The following CSMD1 variants were observed in gnomAD, a reference collection of about 807,000 sequenced individuals.
CSMD1 encodes the protein CUB and Sushi multiple domains 1.
CSMD1 carries 213 observed loss-of-function variants against 417.5 expected under a neutral mutation model. The observed-to-expected ratio is 0.51, with a 90% CI of 0.46 to 0.57. The LOEUF is 0.57. Ranked by LOEUF, CSMD1 falls within the 20% of genes least tolerant of loss-of-function variation. The pLI is 0.00. For synonymous variants in CSMD1, 2,862 were observed against 1,736.8 expected, an observed-to-expected ratio of 1.65 and a Z score of -16.11; for missense variants, 6,923 against 4,529.7, an observed-to-expected ratio of 1.53 and a Z score of -15.17.
intron 1 of CSMD1, among the ~76,000 whole-genome samples, chr8:4,855,714 A>G (rs1801760020): frequency 6.6e-6 from 1 of 152,046 alleles, no homozygotes; most frequent in Admixed American, 6.6e-5. Flanking sequence ...AGTCTAGAGA[A>G]AAAAGAATAA....
chr8:4,704,793 A>C (rs1807812963), intron 1 of CSMD1, among the ~76,000 whole-genome samples: 1 of 152,164 alleles, frequency 6.6e-6, no homozygotes, highest in African/African-American at 2.4e-5. Flanking sequence ...CAGTTGTCCT[A>C]ACCAGCCTGA....
chr8:3,136,366 G>C (rs934185274), intron 41 of CSMD1, among the ~76,000 whole-genome samples: 1 of 151,018 alleles, frequency 6.6e-6, no homozygotes, highest in Non-Finnish European at 1.5e-5. Context: ...CCAGGTTCAA[G>C]CGATTCTCCT....
chr8:3,908,372 T>C (rs1808246168), intron 5 of CSMD1, among the ~76,000 whole-genome samples: 1 of 152,230 alleles, frequency 6.6e-6, no homozygotes, highest in Non-Finnish European at 1.5e-5. Context: ...TATGGATACA[T>C]TTTCCCAATG....
chr8:3,943,376 G>A (rs1348902174), intron 5 of CSMD1, among the ~76,000 whole-genome samples: 6 of 144,238 alleles, frequency 4.2e-5, no homozygotes, highest in Admixed American at 1.4e-4. Context: ...AAAAAAGTCA[G>A]ATAGCTAAGT....
At chr8:3,413,040 T>C (rs1055637867) in intron 12 of CSMD1, among the ~76,000 whole-genome samples, 2 of 152,214 alleles carry the variant, frequency 1.3e-5, no homozygotes, top group Admixed American at 6.5e-5. Flanking sequence ...GTGATCAATT[T>C]AGTCTCATCA....
chr8:3,652,768 G>A (rs1288294428), intron 7 of CSMD1, among the ~76,000 whole-genome samples: 1 of 152,112 alleles, frequency 6.6e-6, no homozygotes, highest in East Asian at 1.9e-4. Flanking sequence ...GTGAGATTTG[G>A]CTGGGAAAAC....
intron 5 of CSMD1, among the ~76,000 whole-genome samples, chr8:3,823,008 A>G (rs989843863): frequency 7.9e-5 from 12 of 152,132 alleles, no homozygotes; most frequent in Non-Finnish European, 1.6e-4. Context: ...ACGAAGGCTG[A>G]GTCAGCTGAA....
At chr8:3,479,926 G>C (rs1047886867) in intron 11 of CSMD1, among the ~76,000 whole-genome samples, 3 of 152,078 alleles carry the variant, frequency 2.0e-5, no homozygotes, top group African/African-American at 7.2e-5. Context: ...GGAAATTATG[G>C]AACTAAAAAT....
At chr8:3,750,598 G>A (rs534558912) in intron 6 of CSMD1, among the ~76,000 whole-genome samples, 5 of 151,984 alleles carry the variant, frequency 3.3e-5, no homozygotes, top group Non-Finnish European at 5.9e-5. Flanking sequence ...TACAATTTGG[G>A]CTTCATGCTT....
At chr8:4,625,822 C>G (rs1440270914) in intron 2 of CSMD1, among the ~76,000 whole-genome samples, 2 of 152,072 alleles carry the variant, frequency 1.3e-5, no homozygotes, top group Non-Finnish European at 2.9e-5. Context: ...CTCCCAAGTT[C>G]AAGCTATTCT....
intron 69 of CSMD1, among the ~76,000 whole-genome samples, chr8:2,941,429 T>C (rs1801866477): frequency 6.6e-6 from 1 of 152,258 alleles, no homozygotes; most frequent in African/African-American, 2.4e-5. Flanking sequence ...TAATTTTATT[T>C]CAGGGGATCA....
At chr8:4,133,658 T>A (rs1714750) in intron 3 of CSMD1, among the ~76,000 whole-genome samples, 5 of 152,162 alleles carry the variant, frequency 3.3e-5, no homozygotes, top group Non-Finnish European at 7.3e-5. Context: ...AATCTCCATG[T>A]AAGTGTAGGG....
intron 10 of CSMD1, among the ~76,000 whole-genome samples, chr8:3,565,759 T>C (rs1799678542): frequency 6.6e-6 from 1 of 152,318 alleles, no homozygotes; most frequent in East Asian, 1.9e-4. Flanking sequence ...AAACGTGTAG[T>C]GTAAAAACAC....
chr8:4,033,995 G>C (rs905590502), intron 3 of CSMD1, among the ~76,000 whole-genome samples: 1 of 152,170 alleles, frequency 6.6e-6, no homozygotes. Context: ...TACTAGTAGA[G>C]AAATACAAAC....
At chr8:4,251,777 A>T (rs1385519687) in intron 3 of CSMD1, among the ~76,000 whole-genome samples, 1 of 150,902 alleles carries the variant, frequency 6.6e-6, no homozygotes, top group Non-Finnish European at 1.5e-5. Flanking sequence ...TGATGCAGGG[A>T]TGGAGAGATG....
chr8:3,509,121 T>C (rs1296248009), intron 10 of CSMD1, among the ~76,000 whole-genome samples: 1 of 152,184 alleles, frequency 6.6e-6, no homozygotes, highest in Non-Finnish European at 1.5e-5. Context: ...AGGATTCTTA[T>C]GAGAATTTAC....
chr8:3,986,446 T>C (rs919543585), intron 5 of CSMD1, among the ~76,000 whole-genome samples: 27 of 152,150 alleles, frequency 1.8e-4, no homozygotes, highest in Non-Finnish European at 2.2e-4. Context: ...ATCTGAAATA[T>C]CAGGGTATAG....
At chr8:3,738,287 G>C (rs116789412) in intron 6 of CSMD1, among the ~76,000 whole-genome samples, 29 of 152,184 alleles carry the variant, frequency 1.9e-4, no homozygotes, top group African/African-American at 6.8e-4. Context: ...GGAAGGAAGA[G>C]AAGTCTTAGA....
rs1301623896 is a variant in CSMD1 at position 3,965,090 on chromosome 8, T to A, written c.818+32813A>T. Among the ~76,000 whole-genome samples the A allele has an allele frequency of 3.3e-5, 5 of 152,326 alleles. No homozygotes were observed. In the East Asian group the frequency reaches 7.7e-4, roughly 23 times the overall value. On this transcript the variant is annotated intron_variant, in intron 5 of 69. Transcript: ENST00000635120. ...TAAAGCACTCGCCGCAGTAGCTGAC[T>A]TAGTAAATGGATAACTTCAGGCTAT...
Sources: gnomAD v4.1 joint callset for allele counts (sites outside exome capture counted in the v4.1 genomes callset) on GRCh38, gnomAD v4.1.1 for gene constraint, MANE v1.5 for transcripts, NCBI Gene and HGNC (gene_info 2026-07-23, HGNC 2026-07-21) for gene names.